The following RGS22 variants were observed in gnomAD, a reference collection of about 807,000 sequenced individuals.
RGS22 encodes regulator of G-protein signaling 22.
A neutral mutation model predicts 172.9 loss-of-function variants in RGS22; 148 were observed. That is an observed-to-expected ratio of 0.86 (90% CI 0.75 to 0.98). The LOEUF is 0.98. RGS22 is among the 50% of genes least tolerant of loss of function. The pLI is 0.00. For missense variants in RGS22, 1,347 were observed against 1,440.8 expected, an observed-to-expected ratio of 0.93 and a Z score of 1.05; for synonymous variants, 458 against 480.2, an observed-to-expected ratio of 0.95 and a Z score of 0.60.
chr8:100,074,750 T>C (rs1483012644), intron 4 of RGS22, among the ~76,000 whole-genome samples: 1 of 140,328 alleles, frequency 7.1e-6, no homozygotes, highest in South Asian at 2.1e-4. Context: ...TTCTTTTTTG[T>C]TTTTTTTTTG....
chr8:100,054,047 A>G (rs909798827), intron 9 of RGS22, among the ~76,000 whole-genome samples: 12 of 152,222 alleles, frequency 7.9e-5, no homozygotes, highest in African/African-American at 2.9e-4. Context: ...AATTTATATA[A>G]ATCAAAGACC....
chr8:100,105,793 CG>C, intron 1 of RGS22, 103 bp downstream of exon 1: 2 of 1,004,216 alleles, frequency 2.0e-6, no homozygotes, highest in Non-Finnish European at 2.9e-6. Context: ...TGTCTGGGAG[CG>C]GGGATACCGC....
At chr8:100,019,796 T>C (rs903257587) in intron 14 of RGS22, among the ~76,000 whole-genome samples, 1 of 152,158 alleles carries the variant, frequency 6.6e-6, no homozygotes, top group East Asian at 1.9e-4. Context: ...GGCATTTTAA[T>C]ATGTATCTTT....
At chr8:99,988,847 G>A (rs1813386223) in intron 20 of RGS22, among the ~76,000 whole-genome samples, 1 of 152,106 alleles carries the variant, frequency 6.6e-6, no homozygotes, top group Non-Finnish European at 1.5e-5. Flanking sequence ...GTCATGTTCT[G>A]TGGACAAAAA....
chr8:99,961,093 C>A lies in RGS22; in HGVS notation c.*149G>T. On this transcript the variant is annotated 3_prime_UTR_variant, in exon 28 of 28. Transcript: ENST00000360863. ...TTATTTATTTCCCACCTGGAAAATCCAGAATCAAACTTTATTTAGATGTTA... is the reference window on the plus strand; with the variant it reads ...TTATTTATTTCCCACCTGGAAAATCAAGAATCAAACTTTATTTAGATGTTA... The A allele has an allele frequency of 2.5e-6, 1 of 392,470 alleles. No individual in the cohort carries two copies. The highest frequency in any genetic ancestry group is 5.0e-6 in the Non-Finnish European group (1 of 201,062). 24.3% of individuals were successfully genotyped at this position (392,470 alleles called of 1,614,324 possible).
intron 14 of RGS22, among the ~76,000 whole-genome samples, chr8:100,022,282 A>G (rs977578180): frequency 6.6e-6 from 1 of 152,208 alleles, no homozygotes; most frequent in Admixed American, 6.5e-5. Context: ...ATTTTTGCCA[A>G]TTGCTCAGAC....
chr8:100,104,327 TGC>T (rs1298671111), intron 2 of RGS22, among the ~76,000 whole-genome samples: 1 of 90,904 alleles, frequency 1.1e-5, no homozygotes, highest in Non-Finnish European at 2.4e-5. Flanking sequence ...TCAAAATATG[TGC>T]GTGTGTGTGT....
chr8:100,073,252 T>C (rs1275888598), intron 4 of RGS22, among the ~76,000 whole-genome samples: 1 of 152,162 alleles, frequency 6.6e-6, no homozygotes, highest in Non-Finnish European at 1.5e-5. Context: ...AGTTAACACA[T>C]AGACCATTAC....
chr8:100,062,550 T>C (rs1277434177), intron 9 of RGS22, 41 bp downstream of exon 9: 1 of 1,370,100 alleles, frequency 7.3e-7, no homozygotes, highest in Non-Finnish European at 1.0e-6. Context: ...ATAACTGGCG[T>C]AAGGAAAGTG....
rs1471636367 is a variant in RGS22, at chr8:99,999,241, A to T, written c.2949+21T>A. On this transcript the variant is annotated intron_variant, in intron 19 of 27. Coordinates refer to ENST00000360863, the MANE Select transcript of RGS22 (RefSeq NM_015668.5). ...AGAGGTACTGACAACTGCTATCAAA[A>T]GATTATACTAATTTATATACCTTTA... is the stretch of plus-strand genomic sequence containing the variant. 3.1e-6 allele frequency: 5 copies of T among 1,606,376 alleles called. No homozygotes were observed. In the African/African-American group the frequency reaches 6.7e-5, roughly 22 times the overall value.
At chr8:99,965,516 A>G (rs948942117) in intron 23 of RGS22, 86 bp from the exon 24 acceptor site, 107 of 953,936 alleles carry the variant, frequency 1.1e-4, no homozygotes, top group Admixed American at 4.4e-4. Context: ...ATAACATCAT[A>G]TGACATAATA....
At chr8:100,036,520 T>A (rs748657194) in intron 14 of RGS22, among the ~76,000 whole-genome samples, 15 of 152,112 alleles carry the variant, frequency 9.9e-5, no homozygotes, top group Non-Finnish European at 2.1e-4. Context: ...ATCATGTAAG[T>A]CTCTTGAAAT....
At chr8:100,040,530 T>C (rs1272908274) in intron 12 of RGS22, among the ~76,000 whole-genome samples, 1 of 152,164 alleles carries the variant, frequency 6.6e-6, no homozygotes, top group Non-Finnish European at 1.5e-5. Flanking sequence ...TCATTAACTA[T>C]CCTTAGGGGG....
intron 14 of RGS22, among the ~76,000 whole-genome samples, chr8:100,030,525 GTGAAATACAGAA>G (rs1335088895): frequency 2.0e-5 from 3 of 152,122 alleles, no homozygotes; most frequent in Admixed American, 1.3e-4. Context: ...ACACACTGAG[GTGAAATACAGAA>G]TGCCAAAGTC....
At chr8:99,980,117 AC>A (rs1311265748) in intron 22 of RGS22, among the ~76,000 whole-genome samples, 2 of 152,188 alleles carry the variant, frequency 1.3e-5, no homozygotes, top group Non-Finnish European at 2.9e-5. Flanking sequence ...ATTTGTAGAG[AC>A]AGGATCTCAC....
intron 27 of RGS22, among the ~76,000 whole-genome samples, chr8:99,961,582 G>A (rs1182025359): frequency 6.6e-6 from 1 of 152,186 alleles, no homozygotes; most frequent in Non-Finnish European, 1.5e-5. Flanking sequence ...ACATGGAACT[G>A]TGAGTCAATT....
intron 14 of RGS22, among the ~76,000 whole-genome samples, chr8:100,025,658 G>A (rs1421350276): frequency 1.3e-5 from 2 of 152,174 alleles, no homozygotes; most frequent in Non-Finnish European, 2.9e-5. Flanking sequence ...AGTAAAGAGA[G>A]GAGCTAAACA....
Position 100,105,991 on chromosome 8 carries a change from G to A in RGS22, c.-70C>T. 4.8e-6 allele frequency: 6 copies of A among 1,260,620 alleles called. No homozygotes were observed. The South Asian group carries it at 1.7e-4, about 36-fold the overall frequency. 78.1% of individuals were successfully genotyped at this position (1,260,620 alleles called of 1,614,324 possible). On this transcript the variant is annotated 5_prime_UTR_variant, in exon 1 of 28. Transcript: ENST00000360863. ...GCCCTAGCGCGCGGGTCCAGCGCGG[G>A]TCAGGGCCTGAGCGACGCGGCGACG...
rs576116676 is a variant in RGS22, at chr8:100,027,409, T to A, written c.2166+11522A>T. Among the ~76,000 whole-genome samples the A allele has an allele frequency of 2.0e-5, 3 of 152,336 alleles. No individual in the cohort carries two copies. The South Asian group carries it at 6.2e-4, about 32-fold the overall frequency. On this transcript the variant is annotated intron_variant, in intron 14 of 27. Transcript: ENST00000360863. ...TAGCAGGCTTCTCAGTGAATGTTCA[T>A]TAATAAGTAACTGAATATTATAAAG...
Sources: gnomAD v4.1 joint callset for allele counts (sites outside exome capture counted in the v4.1 genomes callset) on GRCh38, gnomAD v4.1.1 for gene constraint, MANE v1.5 for transcripts, NCBI Gene and HGNC (gene_info 2026-07-23, HGNC 2026-07-21) for gene names.